CARMIL1: variants seen among roughly 807,000 people sequenced by gnomAD.
CARMIL1 encodes F-actin-uncapping protein LRRC16A.
Under a neutral mutation model 177.1 loss-of-function variants are expected in CARMIL1, and 90 were observed. The ratio of observed to expected loss-of-function variants is 0.51; its 90% confidence interval spans 0.43 to 0.61. The LOEUF is 0.61. Ranked by LOEUF, CARMIL1 falls within the 20% of genes least tolerant of loss-of-function variation. The probability of loss-of-function intolerance (pLI) is 0.00; values close to 1 mark genes in which losing one functional copy is unlikely to be tolerated. For missense variants in CARMIL1, 1,380 were observed against 1,667.0 expected (o/e 0.83, Z 3.00); for synonymous variants, 577 against 606.2 (o/e 0.95, Z 0.71).
At chr6:25,334,281 T>A (rs1785991132) in intron 2 of CARMIL1, among the ~76,000 whole-genome samples, 1 of 152,234 alleles carries the variant, frequency 6.6e-6, no homozygotes, top group African/African-American at 2.4e-5. Context: ...CCACCCTACC[T>A]TAAAAATATA....
rs181581362 is a variant in CARMIL1 at position 25,398,328 on chromosome 6, C to T, written c.139-21786C>T. On this transcript the variant is annotated intron_variant, in intron 2 of 36. Transcript: ENST00000329474. ...TTTTTGATGACCAGTGGCAAAGGAA[C>T]ATCATCAGTCATGAAAACTCACAAA... Among the ~76,000 whole-genome samples the T allele has an allele frequency of 5.9e-5, 9 of 152,176 alleles. No individual in the cohort carries two copies. The East Asian group carries it at 1.7e-3, about 29-fold the overall frequency.
chr6:25,396,577 G>A (rs971876537), intron 2 of CARMIL1, among the ~76,000 whole-genome samples: 11 of 152,044 alleles, frequency 7.2e-5, no homozygotes, highest in Non-Finnish European at 1.5e-4. Context: ...GGCCAGGCTG[G>A]TCTCGAACTG....
At chr6:25,599,097 G>T (rs935743364) in intron 32 of CARMIL1, among the ~76,000 whole-genome samples, 1 of 152,190 alleles carries the variant, frequency 6.6e-6, no homozygotes, top group Non-Finnish European at 1.5e-5. Flanking sequence ...AGTGAACTTG[G>T]GTGTTGGGAT....
intron 22 of CARMIL1, among the ~76,000 whole-genome samples, chr6:25,518,906 C>T (rs968975489): frequency 6.6e-6 from 1 of 152,212 alleles, no homozygotes; most frequent in Admixed American, 6.5e-5. Context: ...GACATATCGT[C>T]TCTTAGTTTC....
intron 32 of CARMIL1, among the ~76,000 whole-genome samples, chr6:25,599,490 T>C (rs1187417977): frequency 6.6e-6 from 1 of 152,210 alleles, no homozygotes; most frequent in Non-Finnish European, 1.5e-5. Context: ...AAGTTGTCTG[T>C]GATACTTCCT....
At chr6:25,286,644 TGTA>T (rs747054611) in intron 2 of CARMIL1, among the ~76,000 whole-genome samples, 14 of 152,234 alleles carry the variant, frequency 9.2e-5, no homozygotes, top group Non-Finnish European at 2.1e-4. Context: ...TTTTTAATAA[TGTA>T]GTAACTTTAT....
intron 2 of CARMIL1, among the ~76,000 whole-genome samples, chr6:25,341,190 T>C (rs562549558): frequency 6.6e-5 from 10 of 152,264 alleles, no homozygotes; most frequent in Admixed American, 2.0e-4. Flanking sequence ...AGGTATTTGC[T>C]GTCATTTACA....
At chr6:25,502,358 A>G (rs1396821236) in intron 17 of CARMIL1, among the ~76,000 whole-genome samples, 4 of 151,942 alleles carry the variant, frequency 2.6e-5, no homozygotes. Flanking sequence ...GGAGTTCAAG[A>G]CCAGCCTGGC....
intron 11 of CARMIL1, chr6:25,479,040 G>T (rs540512286): frequency 6.0e-6 from 3 of 503,140 alleles, no homozygotes; most frequent in Non-Finnish European, 1.2e-5. Flanking sequence ...ACTCACCTGT[G>T]CTCTGACATC....
At chr6:25,573,951 C>T (rs1582407105) in intron 29 of CARMIL1, among the ~76,000 whole-genome samples, 1 of 152,186 alleles carries the variant, frequency 6.6e-6, no homozygotes, top group Non-Finnish European at 1.5e-5. Context: ...GGAAGCCAGA[C>T]ACTTTTTAAC....
At chr6:25,490,503 G>T (rs904528015) in intron 13 of CARMIL1, among the ~76,000 whole-genome samples, 2 of 152,032 alleles carry the variant, frequency 1.3e-5, no homozygotes, top group Admixed American at 1.3e-4. Context: ...TTTGTGACCA[G>T]CCTGGACAAT....
At chr6:25,525,883 T>A (rs1400621166) in intron 23 of CARMIL1, among the ~76,000 whole-genome samples, 2 of 151,660 alleles carry the variant, frequency 1.3e-5, no homozygotes, top group Non-Finnish European at 2.9e-5. Context: ...CCAGAGACAG[T>A]AGCAAAAAAG....
chr6:25,296,381 C>A (rs1219445119), intron 2 of CARMIL1, among the ~76,000 whole-genome samples: 1 of 152,200 alleles, frequency 6.6e-6, no homozygotes, highest in Non-Finnish European at 1.5e-5. Flanking sequence ...TTTCTGTGTC[C>A]TTTCAAAGCT....
chr6:25,569,284 A>G (rs550956661), intron 29 of CARMIL1, among the ~76,000 whole-genome samples: 8 of 152,222 alleles, frequency 5.3e-5, no homozygotes, highest in Non-Finnish European at 1.2e-4. Flanking sequence ...TAAACTGAGC[A>G]TGATGAAAAT....
chr6:25,303,015 G>A (rs1256504928), intron 2 of CARMIL1, among the ~76,000 whole-genome samples: 2 of 152,194 alleles, frequency 1.3e-5, no homozygotes, highest in East Asian at 1.9e-4. Flanking sequence ...TTTTCTGCAC[G>A]TCATTTTAGA....
chr6:25,434,671 T>G (rs1462961689), intron 4 of CARMIL1, among the ~76,000 whole-genome samples: 5 of 151,794 alleles, frequency 3.3e-5, no homozygotes, highest in African/African-American at 1.2e-4. Flanking sequence ...TTACATGGGA[T>G]TACAGGCATG....
chr6:25,308,812 C>G (rs1480307977), intron 2 of CARMIL1, among the ~76,000 whole-genome samples: 1 of 152,124 alleles, frequency 6.6e-6, no homozygotes, highest in South Asian at 2.1e-4. Context: ...AAAAAGGAAG[C>G]TCATTTTTCC....
intron 26 of CARMIL1, among the ~76,000 whole-genome samples, chr6:25,546,944 A>G (rs943553105): frequency 1.9e-4 from 29 of 151,804 alleles, no homozygotes; most frequent in Non-Finnish European, 4.0e-4. Context: ...AATCCCAGCT[A>G]CTCAGGAGGC....
At chr6:25,604,939 T>C in intron 34 of CARMIL1, 46 bp downstream of exon 34, 1 of 1,450,698 alleles carries the variant, frequency 6.9e-7, no homozygotes, top group South Asian at 1.3e-5. Flanking sequence ...AGCGCTTACC[T>C]TCTGATTGCA....
Sources: gnomAD v4.1 joint callset for allele counts (sites outside exome capture counted in the v4.1 genomes callset) on GRCh38, gnomAD v4.1.1 for gene constraint, MANE v1.5 for transcripts, NCBI Gene and HGNC (gene_info 2026-07-23, HGNC 2026-07-21) for gene names.